PDE10A: variants seen among roughly 807,000 people sequenced by gnomAD.
PDE10A encodes the protein phosphodiesterase 10A.
Under a neutral mutation model 97.7 loss-of-function variants are expected in PDE10A, and 39 were observed. The observed-to-expected ratio is 0.40, with a 90% CI of 0.31 to 0.52. The LOEUF (loss-of-function observed/expected upper bound fraction) is 0.52, where lower values mean the gene tolerates loss of function less well. Ranked by LOEUF, PDE10A falls within the 20% of genes least tolerant of loss-of-function variation. PDE10A has a pLI of 0.56. For synonymous variants in PDE10A, 371 were observed against 376.8 expected, an observed-to-expected ratio of 0.98 and a Z score of 0.18; for missense variants, 731 against 1,047.8, an observed-to-expected ratio of 0.70 and a Z score of 4.17.
chr6:165,549,939 TATTA>T (rs1783932897), intron 1 of PDE10A, among the ~76,000 whole-genome samples: 1 of 152,228 alleles, frequency 6.6e-6, no homozygotes, highest in South Asian at 2.1e-4. Context: ...CATTTTTCAG[TATTA>T]ATTCTACCAT....
intron 10 of PDE10A, among the ~76,000 whole-genome samples, chr6:165,425,950 T>C (rs776617750): frequency 4.6e-5 from 7 of 151,944 alleles, no homozygotes; most frequent in Non-Finnish European, 8.8e-5. Context: ...ACAATTCCAT[T>C]TATAATAGCA....
At chr6:165,973,423 A>AT (rs1554233524) in intron 1 of PDE10A, among the ~76,000 whole-genome samples, 20 of 147,520 alleles carry the variant, frequency 1.4e-4, no homozygotes, top group Non-Finnish European at 2.7e-4. Flanking sequence ...CAAAAAAAAA[A>AT]AAAATAAAAT....
intron 1 of PDE10A, among the ~76,000 whole-genome samples, chr6:165,686,581 C>T (rs1791126872): frequency 1.3e-5 from 2 of 152,204 alleles, no homozygotes; most frequent in Admixed American, 1.3e-4. Flanking sequence ...AGAAGAAAAG[C>T]AGAGCACACT....
Position 165,463,315 on chromosome 6 carries a change from G to A in PDE10A, c.1024-12953C>T, listed in dbSNP as rs539261511. On this transcript the variant is annotated intron_variant, in intron 3 of 21. Coordinates refer to ENST00000539869, the MANE Select transcript of PDE10A (RefSeq NM_001385079.1). ...GGAAACTATTAATAGCTCTTAGTAA[G>A]ATCAAAATTTGGGAAAGAATAAAAA... Among the ~76,000 whole-genome samples the A allele has an allele frequency of 3.3e-5, 5 of 152,320 alleles. No individual in the cohort carries two copies. In the East Asian group the frequency reaches 9.6e-4, roughly 29 times the overall value.
intron 1 of PDE10A, among the ~76,000 whole-genome samples, chr6:165,826,727 T>G (rs1351971335): frequency 6.7e-6 from 1 of 150,132 alleles, no homozygotes; most frequent in Non-Finnish European, 1.5e-5. Flanking sequence ...CTGGTGCATC[T>G]GTCATCCAAC....
intron 1 of PDE10A, among the ~76,000 whole-genome samples, chr6:165,740,593 A>G (rs1344878250): frequency 6.6e-6 from 1 of 152,140 alleles, no homozygotes; most frequent in East Asian, 1.9e-4. Flanking sequence ...TCACCCTCCC[A>G]AAGTGCTGGG....
chr6:165,436,576 C>T (rs220819), intron 5 of PDE10A, among the ~76,000 whole-genome samples: 29,582 of 151,986 alleles, frequency 0.19, 3,206 homozygotes, highest in Admixed American at 0.28. Context: ...CAAGTATATC[C>T]ACATAGGGCT....
chr6:165,777,257 T>C (rs1778212380), intron 1 of PDE10A, among the ~76,000 whole-genome samples: 1 of 152,196 alleles, frequency 6.6e-6, no homozygotes, highest in South Asian at 2.1e-4. Flanking sequence ...GCAAGAATGC[T>C]TCTTTTCTAG....
At chr6:165,808,090 T>C (rs1431380501) in intron 1 of PDE10A, among the ~76,000 whole-genome samples, 2 of 152,164 alleles carry the variant, frequency 1.3e-5, no homozygotes, top group Admixed American at 1.3e-4. Flanking sequence ...GCTTCTGTTT[T>C]CTCTTTCTCC....
At chr6:165,942,695 T>G (rs1419776769) in intron 1 of PDE10A, among the ~76,000 whole-genome samples, 1 of 152,174 alleles carries the variant, frequency 6.6e-6, no homozygotes, top group East Asian at 1.9e-4. Context: ...CTAATTCTGA[T>G]CATTTATTAG....
chr6:165,683,542 G>T (rs1200379195), intron 1 of PDE10A, among the ~76,000 whole-genome samples: 2 of 152,184 alleles, frequency 1.3e-5, no homozygotes, highest in Non-Finnish European at 2.9e-5. Context: ...TTTCATTTGA[G>T]ATCTTGGTGA....
chr6:165,807,739 C>T (rs117692989), intron 1 of PDE10A, among the ~76,000 whole-genome samples: 2 of 151,990 alleles, frequency 1.3e-5, no homozygotes, highest in Admixed American at 6.6e-5. Flanking sequence ...ATTGGCTTGC[C>T]GGCGGCAGTG....
At chr6:165,738,823 G>T (rs1288708964) in intron 1 of PDE10A, among the ~76,000 whole-genome samples, 3 of 152,200 alleles carry the variant, frequency 2.0e-5, no homozygotes, top group Non-Finnish European at 4.4e-5. Context: ...TTTGAGAAGT[G>T]TCTGTTCATG....
At chr6:165,651,249 A>C (rs1028662743) in intron 1 of PDE10A, among the ~76,000 whole-genome samples, 1 of 152,210 alleles carries the variant, frequency 6.6e-6, no homozygotes. Context: ...AATAAGGCTG[A>C]GCATCTTTTC....
At chr6:165,811,024 G>T (rs886441183) in intron 1 of PDE10A, among the ~76,000 whole-genome samples, 4 of 152,180 alleles carry the variant, frequency 2.6e-5, no homozygotes, top group African/African-American at 9.7e-5. Flanking sequence ...AGGAGTTCGA[G>T]ACCAGCCTGG....
At chr6:165,485,065 C>T (rs1361567796) in intron 2 of PDE10A, among the ~76,000 whole-genome samples, 2 of 152,178 alleles carry the variant, frequency 1.3e-5, no homozygotes, top group African/African-American at 2.4e-5. Flanking sequence ...TTCATTGCAA[C>T]AGGTGATGCA....
chr6:165,493,561 A>G (rs555409785), intron 2 of PDE10A, among the ~76,000 whole-genome samples: 1 of 152,320 alleles, frequency 6.6e-6, no homozygotes, highest in Admixed American at 6.5e-5. Context: ...GATTTTTGAC[A>G]CAGAAACAAA....
intron 1 of PDE10A, among the ~76,000 whole-genome samples, chr6:165,684,171 AG>A (rs1165776984): frequency 6.6e-6 from 1 of 152,258 alleles, no homozygotes; most frequent in East Asian, 1.9e-4. Context: ...AATGCTTATC[AG>A]CACCTGGCGT....
intron 12 of PDE10A, 58 bp from the exon 13 acceptor site, chr6:165,413,745 G>T (rs1291196618): frequency 2.7e-5 from 37 of 1,365,600 alleles, no homozygotes; most frequent in Non-Finnish European, 3.7e-5. Flanking sequence ...AGAAATAAAG[G>T]ACACAGTCAG....
Sources: gnomAD v4.1 joint callset for allele counts (sites outside exome capture counted in the v4.1 genomes callset) on GRCh38, gnomAD v4.1.1 for gene constraint, MANE v1.5 for transcripts, NCBI Gene and HGNC (gene_info 2026-07-23, HGNC 2026-07-21) for gene names.